Variants in EPHB1 observed in about 807,000 individuals in gnomAD.
The protein encoded by EPHB1 is EPH receptor B1.
EPHB1 carries 30 observed loss-of-function variants against 94.4 expected under a neutral mutation model. That is an observed-to-expected ratio of 0.32 (90% CI 0.24 to 0.43). The LOEUF is 0.43. EPHB1 is among the 20% of genes least tolerant of loss of function. EPHB1 has a pLI of 1.00. For missense variants in EPHB1, 1,055 were observed against 1,308.3 expected, an observed-to-expected ratio of 0.81 and a Z score of 2.99; for synonymous variants, 522 against 489.1, an observed-to-expected ratio of 1.07 and a Z score of -0.89.
intron 1 of EPHB1, among the ~76,000 whole-genome samples, chr3:134,842,718 A>G (rs1163110217): frequency 6.6e-6 from 1 of 152,090 alleles, no homozygotes; most frequent in Non-Finnish European, 1.5e-5. Context: ...CACACCTTTG[A>G]TTGTTCAATT....
At chr3:134,879,558 GGGAGGATCACTTGAGTCTGGGATGT>G (rs1383247806) in intron 1 of EPHB1, among the ~76,000 whole-genome samples, 2 of 152,110 alleles carry the variant, frequency 1.3e-5, no homozygotes, top group African/African-American at 2.4e-5. Context: ...AGGCTGAGGT[GGGAGGATCACTTGAGTCTGGGATGT>G]GGAGGTTGCA....
chr3:134,826,269 C>T (rs1361346383), intron 1 of EPHB1, among the ~76,000 whole-genome samples: 1 of 121,134 alleles, frequency 8.3e-6, no homozygotes, highest in Non-Finnish European at 1.7e-5. Context: ...AAAAAAAAAG[C>T]AATTGAAAAT....
intron 1 of EPHB1, among the ~76,000 whole-genome samples, chr3:134,912,875 A>G (rs549575762): frequency 2.3e-4 from 35 of 152,322 alleles, no homozygotes; most frequent in Middle Eastern, 3.4e-3. Flanking sequence ...TTGCAGACAT[A>G]GGAAAGGGCA....
intron 1 of EPHB1, among the ~76,000 whole-genome samples, chr3:134,798,434 A>G (rs1372746874): frequency 1.3e-5 from 2 of 152,282 alleles, no homozygotes; most frequent in African/African-American, 4.8e-5. Flanking sequence ...CTGTTGGCTT[A>G]GGGTGTAGGA....
At chr3:134,870,259 G>C (rs1387281887) in intron 1 of EPHB1, among the ~76,000 whole-genome samples, 1 of 152,088 alleles carries the variant, frequency 6.6e-6, no homozygotes, top group Admixed American at 6.5e-5. Context: ...CAGGGTCTTC[G>C]GCCATCTAAT....
intron 1 of EPHB1, among the ~76,000 whole-genome samples, chr3:134,914,572 G>T (rs775644341): frequency 2.0e-5 from 3 of 152,144 alleles, no homozygotes; most frequent in Non-Finnish European, 2.9e-5. Flanking sequence ...CAGGACTCTG[G>T]GGGGAGGGTT....
chr3:134,993,999 T>G (rs1199975562), intron 3 of EPHB1, among the ~76,000 whole-genome samples: 1 of 152,194 alleles, frequency 6.6e-6, no homozygotes, highest in Non-Finnish European at 1.5e-5. Flanking sequence ...AACCTTCAGG[T>G]TTTAGCCCAG....
At position 135,115,392 on chromosome 3, in the gene EPHB1, AAGGCAGTC is replaced by A. The variant is rs1939651086; in HGVS notation, c.961+8793_961+8800del. 2.0e-5 allele frequency among the ~76,000 whole-genome samples: 3 copies of A among 152,164 alleles called. No homozygotes were observed. The South Asian group carries it at 6.2e-4, about 32-fold the overall frequency. On this transcript the variant is annotated intron_variant, in intron 4 of 15. Coordinates refer to ENST00000398015, the MANE Select transcript of EPHB1 (RefSeq NM_004441.5). Reference sequence around the variant, plus strand: ...GCTCCAATTGTTCACCTCTAAGGCGAAGGCAGTCAGGAGTGAGTGGCTGTGCGTCCTCT... The same window carrying A: ...GCTCCAATTGTTCACCTCTAAGGCGAAGGAGTGAGTGGCTGTGCGTCCTCT...
intron 10 of EPHB1, among the ~76,000 whole-genome samples, chr3:135,181,830 A>C (rs1198135733): frequency 6.6e-6 from 1 of 152,208 alleles, no homozygotes; most frequent in Non-Finnish European, 1.5e-5. Context: ...ATTTGTGTGT[A>C]GCATTTGCCA....
intron 3 of EPHB1, among the ~76,000 whole-genome samples, chr3:135,033,894 G>A (rs984095442): frequency 2.6e-5 from 4 of 152,290 alleles, no homozygotes; most frequent in South Asian, 2.1e-4. Context: ...TTTTGTTGCC[G>A]TAAGGGACCC....
chr3:135,213,509 G>T (rs746790219), intron 12 of EPHB1, among the ~76,000 whole-genome samples: 12 of 152,246 alleles, frequency 7.9e-5, no homozygotes, highest in Admixed American at 3.3e-4. Context: ...ATTATTACTG[G>T]TTCTGTCTAA....
intron 8 of EPHB1, 88 bp from the exon 9 acceptor site, chr3:135,166,854 C>T (rs1941665339): frequency 2.1e-6 from 3 of 1,415,122 alleles, no homozygotes; most frequent in Non-Finnish European, 3.0e-6. Context: ...GGGTGAGCCC[C>T]TATCTGGCCT....
Position 134,804,071 on chromosome 3 carries a change from ATTTTTTTTTTTT to A in EPHB1, c.58+8406_58+8417del, listed in dbSNP as rs572201781. 7.9e-3 allele frequency among the ~76,000 whole-genome samples: 344 copies of A among 43,754 alleles called. 1 individual carries two copies. The highest frequency in any genetic ancestry group is 0.031 in the African/African-American group (328 of 10,496). 28.7% of individuals were successfully genotyped at this position (43,754 alleles called of 152,430 possible). A position where few individuals can be genotyped will look rare whatever the true frequency, so the allele number is the denominator to read the frequency against. ...ACCCCCACTGTGGTCATTATTGGCTATTTTTTTTTTTTTTTTTTTTTTTTTTTTTTTTTTTGC... is the reference window on the plus strand; with the variant it reads ...ACCCCCACTGTGGTCATTATTGGCTATTTTTTTTTTTTTTTTTTTTTTTGC... On this transcript the variant is annotated intron_variant, in intron 1 of 15. Transcript: ENST00000398015.
intron 1 of EPHB1, among the ~76,000 whole-genome samples, chr3:134,883,192 G>A (rs897798395): frequency 7.9e-5 from 12 of 152,124 alleles, no homozygotes; most frequent in African/African-American, 2.9e-4. Context: ...CCAACATGTT[G>A]GCACTCCACT....
intron 3 of EPHB1, among the ~76,000 whole-genome samples, chr3:135,038,997 CTA>C (rs1936739297): frequency 6.6e-6 from 1 of 152,164 alleles, no homozygotes; most frequent in Non-Finnish European, 1.5e-5. Context: ...CAAAGGTTCT[CTA>C]TGTCCCCATC....
chr3:134,931,845 G>A (rs113970642), intron 2 of EPHB1, among the ~76,000 whole-genome samples: 6 of 152,016 alleles, frequency 3.9e-5, no homozygotes, highest in African/African-American at 1.5e-4. Flanking sequence ...GTCTATGTTT[G>A]TACATATGTA....
chr3:134,937,965 T>C (rs749497339), intron 2 of EPHB1, among the ~76,000 whole-genome samples: 15 of 149,738 alleles, frequency 1.0e-4, no homozygotes, highest in Non-Finnish European at 1.9e-4. Context: ...CTCCTTGTTA[T>C]AGGGCTGGCT....
At chr3:134,802,462 G>T (rs1305432272) in intron 1 of EPHB1, among the ~76,000 whole-genome samples, 1 of 152,154 alleles carries the variant, frequency 6.6e-6, no homozygotes, top group African/African-American at 2.4e-5. Flanking sequence ...CCTGTCAGGG[G>T]TTCTGTAGGA....
intron 6 of EPHB1, among the ~76,000 whole-genome samples, chr3:135,156,138 C>G (rs914427606): frequency 6.6e-6 from 1 of 151,808 alleles, no homozygotes; most frequent in Non-Finnish European, 1.5e-5. Context: ...GTGGGTAGAG[C>G]ATATCTGATG....
Sources: allele counts gnomAD v4.1 joint callset (sites outside exome capture counted in the v4.1 genomes callset), GRCh38; gene constraint gnomAD v4.1.1; transcripts MANE v1.5; gene names NCBI Gene and HGNC (gene_info 2026-07-23, HGNC 2026-07-21).